Variants in PTPRD observed in about 807,000 individuals in gnomAD.
PTPRD encodes receptor-type tyrosine-protein phosphatase delta.
PTPRD carries 34 observed loss-of-function variants against 214.5 expected under a neutral mutation model. The ratio of observed to expected loss-of-function variants is 0.16; its 90% CI spans 0.12 to 0.21. PTPRD has a LOEUF of 0.21. PTPRD is among the 10% of genes least tolerant of loss of function. The pLI is 1.00. For synonymous variants in PTPRD, 1,128 were observed against 845.7 expected (o/e 1.33, Z -5.79); for missense variants, 2,545 against 2,398.7 (o/e 1.06, Z -1.27).
In PTPRD at chr9:8,465,459, A is replaced by C. The variant is rs1487156229; in HGVS notation, c.3714+7T>G. The C allele has an allele frequency of 6.2e-7, 1 of 1,609,230 alleles. No individual in the cohort carries two copies. The highest frequency in any genetic ancestry group is 8.5e-7 in the Non-Finnish European group (1 of 1,176,668). The stretch of plus-strand genomic sequence containing the variant: ...ATAGGAAACAGATGCCATCATAATT[A>C]ACTTACAGACTCTGCATGTTCCATT... On this transcript the variant is annotated splice_region_variant and intron_variant, in intron 32 of 45. Transcript: ENST00000381196.
chr9:8,797,534 G>A (rs936998248), intron 11 of PTPRD, among the ~76,000 whole-genome samples: 2 of 152,100 alleles, frequency 1.3e-5, no homozygotes, highest in Admixed American at 6.6e-5. Context: ...AGATCGCCTT[G>A]CCCTTGAGAT....
intron 14 of PTPRD, among the ~76,000 whole-genome samples, chr9:8,628,092 T>C (rs372892012): frequency 2.8e-4 from 42 of 152,004 alleles, no homozygotes; most frequent in African/African-American, 9.4e-4. Flanking sequence ...AAAATCCTTT[T>C]GTGTGACAGT....
intron 10 of PTPRD, among the ~76,000 whole-genome samples, chr9:9,084,004 G>A (rs1038825934): frequency 1.3e-5 from 2 of 152,028 alleles, no homozygotes; most frequent in African/African-American, 4.8e-5. Context: ...GTGATTCCTC[G>A]AGGACCTAGA....
At chr9:8,948,877 G>C (rs1410023854) in intron 11 of PTPRD, among the ~76,000 whole-genome samples, 1 of 151,730 alleles carries the variant, frequency 6.6e-6, no homozygotes, top group Non-Finnish European at 1.5e-5. Flanking sequence ...AGATTGACTA[G>C]ACAAGTGTTC....
intron 33 of PTPRD, among the ~76,000 whole-genome samples, chr9:8,453,323 C>T (rs2096040077): frequency 6.6e-6 from 1 of 152,036 alleles, no homozygotes; most frequent in Admixed American, 6.6e-5. Flanking sequence ...GCCACCATGC[C>T]TGGCTAATTT....
chr9:8,891,173 A>T (rs1406334276), intron 11 of PTPRD, among the ~76,000 whole-genome samples: 3 of 120,986 alleles, frequency 2.5e-5, no homozygotes, highest in African/African-American at 6.6e-5. Flanking sequence ...TCCCTCTGTT[A>T]CCCAGGCTGG....
At chr9:9,279,190 G>A (rs1389194993) in intron 9 of PTPRD, among the ~76,000 whole-genome samples, 1 of 150,422 alleles carries the variant, frequency 6.6e-6, no homozygotes, top group African/African-American at 2.4e-5. Flanking sequence ...ATGTATATAT[G>A]TATGTGTATA....
intron 2 of PTPRD, among the ~76,000 whole-genome samples, chr9:10,462,222 A>T (rs868031969): frequency 1.3e-5 from 2 of 152,166 alleles, no homozygotes; most frequent in African/African-American, 4.8e-5. Flanking sequence ...AGTTTATTTT[A>T]AAAAATAAAA....
rs186525859 is a variant in PTPRD at position 9,775,873 on chromosome 9, G to A, written c.-367-9022C>T. On this transcript the variant is annotated intron_variant, in intron 5 of 45. Transcript: ENST00000381196. ...TGGGAGGCTGAGGCAGGAGAATGGTGTGAACCAGGGAGGCGGAGCTTGCAG... is the reference window on the plus strand; with the variant it reads ...TGGGAGGCTGAGGCAGGAGAATGGTATGAACCAGGGAGGCGGAGCTTGCAG... 4.4e-4 allele frequency among the ~76,000 whole-genome samples: 61 copies of A among 140,084 alleles called. No individual in the cohort carries two copies. In the East Asian group the frequency reaches 6.9e-3, roughly 16 times the overall value. The allele number at this position is 140,084 out of a possible 152,430, so 91.9% of individuals were successfully genotyped here.
intron 34 of PTPRD, among the ~76,000 whole-genome samples, chr9:8,438,435 C>G (rs528230094): frequency 6.6e-6 from 1 of 152,022 alleles, no homozygotes; most frequent in African/African-American, 2.4e-5. Flanking sequence ...TATAATAATG[C>G]CTTTGGAACA....
chr9:9,570,808 C>A (rs1002698629), intron 8 of PTPRD, among the ~76,000 whole-genome samples: 9 of 151,478 alleles, frequency 5.9e-5, no homozygotes, highest in East Asian at 1.9e-4. Context: ...AAACAGGCAA[C>A]CAAAATCTTC....
chr9:9,152,055 G>C (rs2099877268), intron 10 of PTPRD, among the ~76,000 whole-genome samples: 1 of 152,174 alleles, frequency 6.6e-6, no homozygotes, highest in South Asian at 2.1e-4. Flanking sequence ...AAATAAACTG[G>C]ATTTTGTTCT....
At chr9:8,490,759 T>C (rs2097133444) in intron 27 of PTPRD, among the ~76,000 whole-genome samples, 1 of 152,216 alleles carries the variant, frequency 6.6e-6, no homozygotes, top group African/African-American at 2.4e-5. Flanking sequence ...ATTACTTAAA[T>C]TATGATCAGT....
chr9:8,318,601 C>T (rs576198842), intron 45 of PTPRD, among the ~76,000 whole-genome samples: 41 of 152,166 alleles, frequency 2.7e-4, no homozygotes, highest in South Asian at 1.7e-3. Context: ...ACACAGGGCA[C>T]TGGACTTCCA....
intron 7 of PTPRD, among the ~76,000 whole-genome samples, chr9:9,627,570 T>A (rs2095462737): frequency 6.6e-6 from 1 of 152,190 alleles, no homozygotes; most frequent in Non-Finnish European, 1.5e-5. Flanking sequence ...GAGGTAACGA[T>A]AAAGTGTAAC....
intron 2 of PTPRD, among the ~76,000 whole-genome samples, chr9:10,539,057 C>T (rs1162535702): frequency 6.6e-6 from 1 of 152,216 alleles, no homozygotes; most frequent in Non-Finnish European, 1.5e-5. Flanking sequence ...CACATTAATG[C>T]AAATGCTCCT....
chr9:9,287,791 G>A (rs894016717), intron 9 of PTPRD, among the ~76,000 whole-genome samples: 49 of 151,834 alleles, frequency 3.2e-4, no homozygotes, highest in Non-Finnish European at 8.8e-5. Flanking sequence ...ATTAAGATGT[G>A]GCTAAAGTAA....
chr9:9,582,408 T>C (rs1022675396), intron 7 of PTPRD, among the ~76,000 whole-genome samples: 1 of 152,042 alleles, frequency 6.6e-6, no homozygotes, highest in African/African-American at 2.4e-5. Flanking sequence ...CCCAACCTCT[T>C]TGTTTATCAG....
intron 7 of PTPRD, among the ~76,000 whole-genome samples, chr9:9,650,626 G>C (rs912411993): frequency 6.6e-6 from 1 of 152,070 alleles, no homozygotes; most frequent in Non-Finnish European, 1.5e-5. Context: ...GGGCCTCTCA[G>C]AGAATGAAGG....
Sources: gnomAD v4.1 joint callset for allele counts (sites outside exome capture counted in the v4.1 genomes callset) on GRCh38, gnomAD v4.1.1 for gene constraint, MANE v1.5 for transcripts, NCBI Gene and HGNC (gene_info 2026-07-23, HGNC 2026-07-21) for gene names.